The following COL23A1 variants were observed in gnomAD, a reference collection of about 807,000 sequenced individuals.
COL23A1 encodes collagen alpha-1(XXIII) chain.
A neutral mutation model predicts 99.3 loss-of-function variants in COL23A1; 97 were observed. The observed-to-expected ratio is 0.98, with a 90% CI of 0.83 to 1.16. COL23A1 has a LOEUF of 1.16. Ranked by LOEUF, COL23A1 falls within the 50% of genes most tolerant of loss-of-function variation. The pLI is 0.00. For missense variants in COL23A1, 762 were observed against 757.4 expected, an observed-to-expected ratio of 1.01 and a Z score of -0.07; for synonymous variants, 320 against 308.2, an observed-to-expected ratio of 1.04 and a Z score of -0.40.
Position 178,365,134 on chromosome 5 carries a change from TGC to T in COL23A1, c.362-58217_362-58216del, listed in dbSNP as rs1354487963. ...GTGGGCTTTATGATGTTGCTGTGTG[TGC>T]GTGTGTGTGTGTGTGTGTGTGTGTG... is the stretch of plus-strand genomic sequence containing the variant. On this transcript the variant is annotated intron_variant, in intron 2 of 28. Coordinates refer to ENST00000390654, the MANE Select transcript of COL23A1 (RefSeq NM_173465.4). The surrounding 1 kb of genome is among the most constrained non-coding windows in gnomAD (Gnocchi z 5.2). 7.0e-5 allele frequency among the ~76,000 whole-genome samples: 8 copies of T among 113,868 alleles called. No homozygotes were observed. Among genetic ancestry groups the T allele is most frequent in the African/African-American group, 2.0e-4 (6 of 29,448 alleles). 74.7% of individuals were successfully genotyped at this position (113,868 alleles called of 152,430 possible).
intron 28 of COL23A1, 75 bp from the exon 29 acceptor site, chr5:178,238,775 G>T (rs1278264190): frequency 6.3e-7 from 1 of 1,594,046 alleles, no homozygotes; most frequent in East Asian, 2.2e-5. Flanking sequence ...ACCTTGCCTG[G>T]CCTCCCCGGT....
chr5:178,321,546 G>A (rs1207147558), intron 2 of COL23A1, among the ~76,000 whole-genome samples: 1 of 139,944 alleles, frequency 7.1e-6, no homozygotes, highest in Non-Finnish European at 1.5e-5. Flanking sequence ...CTGGAGTGCA[G>A]TGGCACGATC....
intron 2 of COL23A1, among the ~76,000 whole-genome samples, chr5:178,463,887 C>T (rs779563410): frequency 2.6e-5 from 4 of 152,196 alleles, no homozygotes; most frequent in African/African-American, 9.7e-5. Flanking sequence ...GCCTGCTGCT[C>T]TTCAGAAACC....
rs942978413 is a variant in COL23A1 at position 178,308,099 on chromosome 5, C to CTG, written c.362-1182_362-1181dup. Among the ~76,000 whole-genome samples the CTG allele has an allele frequency of 1.3e-5, 2 of 151,522 alleles. No homozygotes were observed. The highest frequency in any genetic ancestry group is 6.6e-5 in the Admixed American group (1 of 15,200). On this transcript the variant is annotated intron_variant, in intron 2 of 28. Transcript: ENST00000390654. This position sits in a 1 kb window ranked among gnomAD's most constrained non-coding sequence, Gnocchi z 5.1. ...TGTCTGTGTTTTTGTGTCTGTGTTT[C>CTG]TGTGTGTGTGTCTGTGTATGTATGT...
At chr5:178,269,892 C>T (rs1419582297) in intron 6 of COL23A1, among the ~76,000 whole-genome samples, 1 of 152,188 alleles carries the variant, frequency 6.6e-6, no homozygotes, top group Non-Finnish European at 1.5e-5. Context: ...CTTATGTCTC[C>T]CTGCATGTTT....
chr5:178,268,773 G>C lies in COL23A1; in HGVS notation c.469-17C>G. The stretch of plus-strand genomic sequence containing the variant: ...TGGAAGTCCCTGGAAAAGGAAAGTG[G>C]AGAAAGAACAGACCTGAGTGAGGGG... On this transcript the variant is annotated splice_polypyrimidine_tract_variant and intron_variant, in intron 6 of 28. Transcript: ENST00000390654. The C allele has an allele frequency of 6.2e-7, 1 of 1,602,912 alleles. No homozygotes were observed. Among genetic ancestry groups the C allele is most frequent in the South Asian group, 1.1e-5 (1 of 88,770 alleles).
At chr5:178,478,068 G>T (rs1323101100) in intron 2 of COL23A1, among the ~76,000 whole-genome samples, 1 of 152,226 alleles carries the variant, frequency 6.6e-6, no homozygotes, top group Non-Finnish European at 1.5e-5. Flanking sequence ...GCAGGGAAGA[G>T]GCTGGGCCTG....
At chr5:178,569,376 C>T (rs912235836) in intron 1 of COL23A1, among the ~76,000 whole-genome samples, 5 of 152,276 alleles carry the variant, frequency 3.3e-5, no homozygotes, top group Non-Finnish European at 7.4e-5. Flanking sequence ...CCAACCAAGA[C>T]GCAATATGAG....
At chr5:178,349,042 G>C (rs1447843369) in intron 2 of COL23A1, among the ~76,000 whole-genome samples, 19 of 152,154 alleles carry the variant, frequency 1.2e-4, no homozygotes, top group African/African-American at 4.6e-4. Context: ...TTGTCTTCCT[G>C]CGTCTTGCCG....
Position 178,590,111 on chromosome 5 carries a change from C to A in COL23A1, c.87G>T (p.Thr29=), listed in dbSNP as rs544910700. ...AGGGGGGRSA[T]TAGSRAVSAL... ...CGCTCACCGCCCGGGACCCGGCCGT[C>A]GTCGCCGAGCGCCCTCCGCCGCCGC... The change falls in exon 1 of 29, where the codon ACG becomes ACT. Residue 29 remains threonine, a synonymous_variant. Transcript: ENST00000390654. This position sits in a 1 kb window ranked among gnomAD's most constrained non-coding sequence, Gnocchi z 5.7. 7.2e-6 allele frequency: 9 copies of A among 1,252,472 alleles called. No homozygotes were observed. In the African/African-American group the frequency reaches 1.1e-4, roughly 15 times the overall value. 77.6% of individuals were successfully genotyped at this position (1,252,472 alleles called of 1,614,324 possible).
At chr5:178,375,494 C>G (rs1763023252) in intron 2 of COL23A1, among the ~76,000 whole-genome samples, 1 of 152,256 alleles carries the variant, frequency 6.6e-6, no homozygotes, top group Admixed American at 6.5e-5. Flanking sequence ...CTTTCTGTCT[C>G]ACACAGAGTC....
At chr5:178,480,175 A>C (rs1014553760) in intron 2 of COL23A1, among the ~76,000 whole-genome samples, 1 of 152,052 alleles carries the variant, frequency 6.6e-6, no homozygotes, top group African/African-American at 2.4e-5. Context: ...TTTTTTAAAT[A>C]GGTGGAGGAG....
chr5:178,465,619 C>T (rs1756375110), intron 2 of COL23A1, among the ~76,000 whole-genome samples: 1 of 152,242 alleles, frequency 6.6e-6, no homozygotes, highest in African/African-American at 2.4e-5. Context: ...ACTCTGGCCT[C>T]AGCGTGCTTT....
intron 2 of COL23A1, among the ~76,000 whole-genome samples, chr5:178,382,161 G>A (rs1251670107): frequency 2.0e-5 from 3 of 152,148 alleles, no homozygotes; most frequent in African/African-American, 2.4e-5. Context: ...CAGCTGAGAG[G>A]CCGACGCTCA....
intron 1 of COL23A1, among the ~76,000 whole-genome samples, chr5:178,569,415 G>A (rs913483032): frequency 3.9e-5 from 6 of 152,188 alleles, no homozygotes; most frequent in African/African-American, 1.4e-4. Flanking sequence ...AACGTTGGTG[G>A]AAGTTTTCCA....
chr5:178,547,195 A>G (rs2064707102), intron 2 of COL23A1, among the ~76,000 whole-genome samples: 2 of 151,498 alleles, frequency 1.3e-5, no homozygotes, highest in South Asian at 4.1e-4. Context: ...GTACCCCGAC[A>G]GTATCTGATT....
chr5:178,277,234 C>CAA (rs1756640192), intron 5 of COL23A1, among the ~76,000 whole-genome samples: 1 of 151,150 alleles, frequency 6.6e-6, no homozygotes, highest in African/African-American at 2.4e-5. Flanking sequence ...GGTGTGGTGG[C>CAA]ACATGCCTGT....
chr5:178,449,466 A>T (rs1188723889), intron 2 of COL23A1, among the ~76,000 whole-genome samples: 1 of 151,970 alleles, frequency 6.6e-6, no homozygotes, highest in African/African-American at 2.4e-5. Context: ...ACCACTACAA[A>T]CCCGACAGCA....
At position 178,590,044 on chromosome 5, in the gene COL23A1, G is replaced by C; in HGVS notation, c.154C>G (p.Leu52Val). 3.7e-6 allele frequency: 5 copies of C among 1,351,266 alleles called. No individual in the cohort carries two copies. The highest frequency in any genetic ancestry group is 4.8e-6 in the Non-Finnish European group (5 of 1,048,074). The allele number at this position is 1,351,266 out of a possible 1,614,324, so 83.7% of individuals were successfully genotyped here. A position where few individuals can be genotyped will look rare whatever the true frequency, so the allele number is the denominator to read the frequency against. ...GCGGCCGCCTGGACACCCAGCAGCAGGCAGGCAGCCGCCGAGCCCACGGAG... is the reference window on the plus strand; with the variant it reads ...GCGGCCGCCTGGACACCCAGCAGCACGCAGGCAGCCGCCGAGCCCACGGAG... ...LLSVGSAAAC[L>V]LLGVQAAALQ... The change falls in exon 1 of 29, where the codon CTG becomes GTG. Residue 52 changes from leucine to valine, a missense_variant. Transcript: ENST00000390654. This position sits in a 1 kb window ranked among gnomAD's most constrained non-coding sequence, Gnocchi z 5.7.
Sources: gnomAD v4.1 joint callset for allele counts (sites outside exome capture counted in the v4.1 genomes callset) on GRCh38, gnomAD v4.1.1 for gene constraint, Gnocchi (gnomAD v3.1) non-coding constraint, MANE v1.5 for transcripts, NCBI Gene and HGNC (gene_info 2026-07-23, HGNC 2026-07-21) for gene names.